The following WDR1 variants were observed in gnomAD, a reference collection of about 807,000 sequenced individuals.
The protein encoded by WDR1 is WD repeat domain 1, also known as WD repeat-containing protein 1.
Under a neutral mutation model 71.9 loss-of-function variants are expected in WDR1, and 21 were observed. The ratio of observed to expected loss-of-function variants is 0.29; its 90% CI spans 0.21 to 0.42. The LOEUF is 0.42. Ranked by LOEUF, WDR1 falls within the 10% of genes least tolerant of loss-of-function variation. The probability of loss-of-function intolerance (pLI) is 1.00; values close to 1 mark genes in which losing one functional copy is unlikely to be tolerated. For synonymous variants in WDR1, 424 were observed against 347.4 expected (o/e 1.22, Z -2.45); for missense variants, 696 against 824.5 (o/e 0.84, Z 1.91).
At chr4:10,110,905 T>G (rs56403947) in intron 2 of WDR1, among the ~76,000 whole-genome samples, 25,373 of 152,204 alleles carry the variant, frequency 0.17, 2,619 homozygotes, top group Middle Eastern at 0.23. Flanking sequence ...TGGGGGAAAT[T>G]ACCCCTCCCT....
At chr4:10,114,965 G>T (rs1160303745) in intron 2 of WDR1, among the ~76,000 whole-genome samples, 2 of 152,222 alleles carry the variant, frequency 1.3e-5, no homozygotes, top group Non-Finnish European at 1.5e-5. Flanking sequence ...TCCTTTCACA[G>T]AGAAGGAAAC....
intron 2 of WDR1, among the ~76,000 whole-genome samples, chr4:10,111,253 C>T (rs1295986239): frequency 6.6e-6 from 1 of 152,186 alleles, no homozygotes; most frequent in Admixed American, 6.5e-5. Flanking sequence ...AGCCTGGGTC[C>T]TGTCCACTCC....
intron 1 of WDR1, 77 bp from the exon 2 acceptor site, chr4:10,116,311 G>T (rs759824836): frequency 6.3e-7 from 1 of 1,595,178 alleles, no homozygotes; most frequent in East Asian, 2.2e-5. Flanking sequence ...AGGAGCCCCG[G>T]ACCGGTCTCG....
chr4:10,078,860 A>G (rs1222231579), intron 12 of WDR1, 31 bp downstream of exon 12: 1 of 1,581,818 alleles, frequency 6.3e-7, no homozygotes, highest in Non-Finnish European at 8.7e-7. Flanking sequence ...TACCAAGGAC[A>G]GAGAGCACGG....
At chr4:10,115,108 G>A (rs1713629839) in intron 2 of WDR1, among the ~76,000 whole-genome samples, 2 of 152,202 alleles carry the variant, frequency 1.3e-5, no homozygotes, top group Admixed American at 6.5e-5. Context: ...TATGCCTATG[G>A]CATCAATCAA....
At chr4:10,082,345 A>G (rs1765050125) in intron 10 of WDR1, among the ~76,000 whole-genome samples, 1 of 152,020 alleles carries the variant, frequency 6.6e-6, no homozygotes, top group Non-Finnish European at 1.5e-5. Context: ...CTTAGGCAGG[A>G]CTACCGGGTG....
At chr4:10,111,897 C>T (rs1025274542) in intron 2 of WDR1, among the ~76,000 whole-genome samples, 14 of 151,442 alleles carry the variant, frequency 9.2e-5, no homozygotes, top group Admixed American at 1.3e-4. Context: ...CTTGCACTCC[C>T]GGAAACTCAA....
At chr4:10,088,947 G>C (rs763755044) in intron 5 of WDR1, among the ~76,000 whole-genome samples, 1 of 152,240 alleles carries the variant, frequency 6.6e-6, no homozygotes, top group Non-Finnish European at 1.5e-5. Context: ...CTGCCATGCT[G>C]ACCGCTCTAC....
chr4:10,090,602 C>G (rs1334944454), intron 5 of WDR1, among the ~76,000 whole-genome samples: 2 of 152,258 alleles, frequency 1.3e-5, no homozygotes, highest in Admixed American at 1.3e-4. Context: ...ACAACCCAAA[C>G]TTGCTTGCCT....
rs1764837575 is a variant in WDR1, at chr4:10,077,337, G to A, written c.1681C>T (p.Leu561=). 1.9e-6 allele frequency: 3 copies of A among 1,613,872 alleles called. No individual in the cohort carries two copies. The highest frequency in any genetic ancestry group is 1.7e-5 in the Admixed American group (1 of 60,010). ...TTGACTCTGGTTTCCGGGTCACTCA[G>A]GGTCCAAACATACACCATCATGTCC... is the stretch of plus-strand genomic sequence containing the variant. ...GMDMMVYVWT[L]SDPETRVKIQ... Residue 561 remains leucine, a synonymous_variant, in exon 14 of 15, where the codon CTG becomes TTG. Transcript: ENST00000499869.
chr4:10,103,323 C>T (rs993097058), intron 3 of WDR1, among the ~76,000 whole-genome samples: 6 of 148,398 alleles, frequency 4.0e-5, no homozygotes, highest in African/African-American at 1.3e-4. Context: ...CACACACACA[C>T]GGCCCACAAG....
intron 4 of WDR1, 69 bp from the exon 5 acceptor site, chr4:10,097,960 A>T: frequency 7.0e-7 from 1 of 1,437,798 alleles, no homozygotes; most frequent in Non-Finnish European, 9.2e-7. Context: ...GCTGGTAAGC[A>T]ATCTGATAGC....
intron 5 of WDR1, among the ~76,000 whole-genome samples, chr4:10,095,751 T>C (rs1030512962): frequency 3.3e-5 from 5 of 152,206 alleles, no homozygotes; most frequent in African/African-American, 1.2e-4. Flanking sequence ...ACCCTCCCTG[T>C]GGCTGAGGGT....
chr4:10,086,664 C>T (rs966291122), intron 8 of WDR1, among the ~76,000 whole-genome samples: 1 of 152,200 alleles, frequency 6.6e-6, no homozygotes, highest in Non-Finnish European at 1.5e-5. Context: ...AGAGGCTGGT[C>T]CCCCAGAGCT....
chr4:10,100,387 C>T (rs537276508), intron 3 of WDR1, among the ~76,000 whole-genome samples: 5 of 152,208 alleles, frequency 3.3e-5, no homozygotes, highest in Non-Finnish European at 2.9e-5. Context: ...CGAGTTAACA[C>T]GTGCGAAGTC....
chr4:10,095,063 C>T (rs1290091814), intron 5 of WDR1, among the ~76,000 whole-genome samples: 1 of 152,232 alleles, frequency 6.6e-6, no homozygotes, highest in Non-Finnish European at 1.5e-5. Context: ...GTCCCGGCCA[C>T]AGGGGGCCTC....
At chr4:10,103,267 TACACACACACACACACACACAGACACAC>T (rs1399181645) in intron 3 of WDR1, among the ~76,000 whole-genome samples, 5 of 142,910 alleles carry the variant, frequency 3.5e-5, no homozygotes, top group African/African-American at 1.3e-4. Context: ...CATTCACACA[TACACACACACACACACACACAGACACAC>T]ACACACACAC....
At chr4:10,089,010 C>G (rs893666136) in intron 5 of WDR1, among the ~76,000 whole-genome samples, 1 of 152,238 alleles carries the variant, frequency 6.6e-6, no homozygotes, top group Non-Finnish European at 1.5e-5. Flanking sequence ...CCAGTTATGC[C>G]CCCCCCAGTG....
intron 2 of WDR1, among the ~76,000 whole-genome samples, chr4:10,108,807 T>C (rs1713179080): frequency 6.6e-6 from 1 of 152,214 alleles, no homozygotes; most frequent in Non-Finnish European, 1.5e-5. Context: ...CCAAGCAGCC[T>C]TCCCTGATGC....
Sources: allele counts gnomAD v4.1 joint callset (sites outside exome capture counted in the v4.1 genomes callset), GRCh38; gene constraint gnomAD v4.1.1; transcripts MANE v1.5; gene names NCBI Gene and HGNC (gene_info 2026-07-23, HGNC 2026-07-21).